Variants in SPATA13 observed in about 807,000 individuals in gnomAD.
SPATA13 encodes the protein spermatogenesis associated 13, also known as spermatogenesis-associated protein 13.
In SPATA13, 50 loss-of-function variants were observed where a neutral mutation model predicts 104.0. The observed-to-expected ratio is 0.48, with a 90% confidence interval of 0.38 to 0.61. The LOEUF (loss-of-function observed/expected upper bound fraction) is 0.61. Ranked by LOEUF, SPATA13 falls within the 20% of genes least tolerant of loss-of-function variation. SPATA13 has a pLI of 0.00. For missense variants in SPATA13, 1,524 were observed against 1,690.6 expected, an observed-to-expected ratio of 0.90 and a Z score of 1.73; for synonymous variants, 606 against 667.5, an observed-to-expected ratio of 0.91 and a Z score of 1.42.
At chr13:24,172,523 A>G (rs920644240) in intron 1 of SPATA13, among the ~76,000 whole-genome samples, 2 of 150,590 alleles carry the variant, frequency 1.3e-5, no homozygotes, top group Non-Finnish European at 2.9e-5. Flanking sequence ...CATTCAAGTT[A>G]ATTTTTGTAG....
chr13:24,017,619 GT>G (rs1242206653), intron 2 of SPATA13: 1 of 974,960 alleles, frequency 1.0e-6, no homozygotes, highest in East Asian at 1.1e-4. Context: ...CAGCTAACCT[GT>G]TTTCACACAT....
chr13:24,208,576 T>TGGGGGTG (rs3067259), intron 1 of SPATA13, among the ~76,000 whole-genome samples: 101,004 of 150,242 alleles, frequency 0.67, 34,164 homozygotes, highest in South Asian at 0.83. Context: ...AGAAGACTGG[T>TGGGGGTG]GGGGACTTTC....
chr13:24,006,921 T>G (rs534742511), intron 2 of SPATA13, among the ~76,000 whole-genome samples: 2 of 152,350 alleles, frequency 1.3e-5, no homozygotes, highest in East Asian at 3.9e-4. Flanking sequence ...AGGAGGATGC[T>G]GTGGCATTGC....
intron 3 of SPATA13, among the ~76,000 whole-genome samples, chr13:24,082,837 A>AAAAT (rs1879581180): frequency 6.7e-6 from 1 of 149,598 alleles, no homozygotes; most frequent in Admixed American, 6.7e-5. Context: ...AAAAAAAAAA[A>AAAAT]AAAAAAAAAA....
At chr13:24,300,376 A>T (rs745341622) in intron 11 of SPATA13, 25 bp from the exon 12 acceptor site, 1 of 1,596,524 alleles carries the variant, frequency 6.3e-7, no homozygotes, top group Non-Finnish European at 8.6e-7. Context: ...TTCTGAATAT[A>T]TATCACATTT....
rs141293306 is a variant in SPATA13 at position 24,290,675 on chromosome 13, C to T, written c.2871C>T (p.Ser957=). The T allele has an allele frequency of 1.7e-4, 267 of 1,614,166 alleles. 2 individuals are homozygous for T. In the African/African-American group the frequency reaches 3.2e-3, roughly 19 times the overall value. The part of the protein sequence containing the change: ...LQNQEGFAIY[S]EYCNNHPGAC... The stretch of plus-strand genomic sequence containing the variant: ...AGCAAGAGGGCTTTGCCATCTATTC[C>T]GAGTACTGCAACAACCACCCGGGCG... Residue 957 remains serine (S), a synonymous_variant, in exon 9 of 13, where the codon TCC becomes TCT. Transcript: ENST00000382108.
At chr13:24,052,491 G>T (rs934730384) in intron 3 of SPATA13, among the ~76,000 whole-genome samples, 3 of 149,450 alleles carry the variant, frequency 2.0e-5, no homozygotes, top group South Asian at 4.2e-4. Context: ...AGAAATATAT[G>T]TTTTTTTTTT....
Position 24,114,073 on chromosome 13 carries a change from T to C in SPATA13, c.-112+96372T>C, listed in dbSNP as rs80084470. ...GAGTAATTCAGTTTCTTATTAGTGC[T>C]TATCTAAGAGGTGCAAGACATTCAT... On this transcript the variant is annotated intron_variant, in intron 3 of 14. Coordinates refer to the SPATA13 transcript ENST00000424834. Among the ~76,000 whole-genome samples the C allele has an allele frequency of 1.4e-3, 218 of 152,274 alleles. 6 individuals carry two copies. In the East Asian group the frequency reaches 0.039, roughly 28 times the overall value.
rs568488505 is a variant in SPATA13, at chr13:24,061,368, A to G, written c.-112+43667A>G. 2.0e-4 allele frequency among the ~76,000 whole-genome samples: 31 copies of G among 152,360 alleles called. No homozygotes were observed. In the South Asian group the frequency reaches 6.4e-3, roughly 32 times the overall value. ...TGACCCAATAATCCCATTACTGGTT[A>G]TATCCCCAGAGGAATATAAATCATT... On this transcript the variant is annotated intron_variant, in intron 3 of 14. Transcript: ENST00000424834.
At chr13:24,140,355 GCAGA>G (rs1340698576) in intron 3 of SPATA13, among the ~76,000 whole-genome samples, 1 of 152,222 alleles carries the variant, frequency 6.6e-6, no homozygotes, top group African/African-American at 2.4e-5. Flanking sequence ...TGTTGCCCCA[GCAGA>G]CAGAGAGGAT....
intron 1 of SPATA13, among the ~76,000 whole-genome samples, chr13:24,193,179 A>T (rs2138555267): frequency 6.6e-6 from 1 of 152,238 alleles, no homozygotes; most frequent in Non-Finnish European, 1.5e-5. Flanking sequence ...CTGGATGGAT[A>T]GGAGAGTAGA....
intron 2 of SPATA13, among the ~76,000 whole-genome samples, chr13:24,228,232 G>A (rs939475764): frequency 2.0e-5 from 3 of 149,726 alleles, no homozygotes; most frequent in Admixed American, 1.3e-4. Flanking sequence ...TCCTGCCTCA[G>A]CCTCCTGAGT....
intron 3 of SPATA13, among the ~76,000 whole-genome samples, chr13:24,099,879 C>T (rs145808479): frequency 1.9e-4 from 29 of 152,322 alleles, no homozygotes; most frequent in African/African-American, 6.5e-4. Context: ...ACTGTCATGT[C>T]TGTGAATGAA....
intron 3 of SPATA13, chr13:24,123,427 G>T: frequency 7.2e-7 from 1 of 1,395,590 alleles, no homozygotes; most frequent in Non-Finnish European, 1.0e-6. Context: ...ACATGATTCT[G>T]CAACATGCAT....
rs1435183141 is a variant in SPATA13 at position 24,290,966 on chromosome 13, G to T, written c.3080+82G>T. On this transcript the variant is annotated intron_variant, in intron 9 of 12. Coordinates refer to ENST00000382108, the MANE Select transcript of SPATA13 (RefSeq NM_001166271.3). ...AGCTCTTAACTCCAGGCAGTGATAG[G>T]TGGGCTTCAGTGTCAGCCTTAACAC... 10 of 1,102,088 alleles carry T rather than the reference G, an allele frequency of 9.1e-6. No individual in the cohort carries two copies. In the East Asian group the frequency reaches 2.6e-4, roughly 28 times the overall value. 68.3% of individuals were successfully genotyped at this position (1,102,088 alleles called of 1,614,324 possible).
chr13:24,156,692 A>G (rs1389700221), upstream of SPATA13, among the ~76,000 whole-genome samples: 2 of 152,236 alleles, frequency 1.3e-5, no homozygotes, highest in Non-Finnish European at 2.9e-5. Flanking sequence ...GATAGCCACC[A>G]GTTATTGAGC....
chr13:24,143,760 G>T (rs1185388670), intron 3 of SPATA13, among the ~76,000 whole-genome samples: 2 of 152,146 alleles, frequency 1.3e-5, no homozygotes, highest in African/African-American at 4.8e-5. Context: ...CTGGCTACTT[G>T]ATGCCATGTC....
At chr13:24,013,551 G>A (rs190508961) in intron 2 of SPATA13, among the ~76,000 whole-genome samples, 507 of 152,260 alleles carry the variant, frequency 3.3e-3, no homozygotes, top group Non-Finnish European at 5.0e-3. Flanking sequence ...TCCTAAAAAG[G>A]TACTTTTTTC....
intron 3 of SPATA13, among the ~76,000 whole-genome samples, chr13:24,042,066 G>A (rs886790565): frequency 3.9e-5 from 6 of 152,218 alleles, no homozygotes; most frequent in Non-Finnish European, 7.3e-5. Context: ...TTTCAAGGCA[G>A]GTGGACCAAC....
Sources: gnomAD v4.1 joint callset for allele counts (sites outside exome capture counted in the v4.1 genomes callset) on GRCh38, gnomAD v4.1.1 for gene constraint, MANE v1.5 for transcripts, NCBI Gene and HGNC (gene_info 2026-07-23, HGNC 2026-07-21) for gene names.